The following HFE variants were observed in gnomAD, a reference collection of about 807,000 sequenced individuals.
The protein encoded by HFE is hereditary hemochromatosis protein.
In HFE, 36 loss-of-function variants were observed where a neutral mutation model predicts 40.9. The ratio of observed to expected loss-of-function variants is 0.88; its 90% confidence interval spans 0.67 to 1.16. HFE has a LOEUF of 1.16. Ranked by LOEUF, HFE falls within the 50% of genes most tolerant of loss-of-function variation. HFE has a pLI of 0.00. For synonymous variants in HFE, 157 were observed against 165.4 expected, an observed-to-expected ratio of 0.95 and a Z score of 0.39; for missense variants, 376 against 432.0, an observed-to-expected ratio of 0.87 and a Z score of 1.15.
chr6:26,091,169 G>A (rs1762675960), intron 2 of HFE, 65 bp downstream of exon 2: 2 of 1,609,148 alleles, frequency 1.2e-6, no homozygotes, highest in Admixed American at 1.7e-5. Context: ...CATGCATCTT[G>A]AAGGAAACAG....
In HFE at chr6:26,096,386, G is replaced by C. The variant is rs1359852663; in HGVS notation, c.*2160G>C. The C allele has an allele frequency of 2.2e-6, 1 of 451,110 alleles. No individual in the cohort carries two copies. Among genetic ancestry groups the C allele is most frequent in the Admixed American group, 2.4e-5 (1 of 41,786 alleles). 27.9% of individuals were successfully genotyped at this position (451,110 alleles called of 1,614,324 possible). On this transcript the variant is annotated 3_prime_UTR_variant, in exon 6 of 6. Transcript: ENST00000357618. ...CCTGACCTCGTGATCCGCCTGCCTC[G>C]GCCTCCCAAAGTGCTGAGATTACAG...
Position 26,094,743 on chromosome 6 carries a change from A to G in HFE, c.*517A>G, listed in dbSNP as rs886061283. On this transcript the variant is annotated 3_prime_UTR_variant, in exon 6 of 6. Coordinates refer to ENST00000357618, the MANE Select transcript of HFE (RefSeq NM_000410.4). ...TTACCCAGTAACTCATCTGTCACCA[A>G]GCCTTGGGGATTCTTCCATCTGATT... 4.7e-6 allele frequency: 2 copies of G among 427,670 alleles called. No individual in the cohort carries two copies. The highest frequency in any genetic ancestry group is 2.3e-5 in the South Asian group (1 of 42,914). The allele number at this position is 427,670 out of a possible 1,614,324, so 26.5% of individuals were successfully genotyped here.
At position 26,090,821 on chromosome 6, in the gene HFE, G is replaced by T; in HGVS notation, c.77-20G>T. ...TCCCCTCCTACTACACATGGTTAAG[G>T]CCTGTTGCTCTGTCTCCAGGTTCAC... On this transcript the variant is annotated intron_variant, in intron 1 of 5. Transcript: ENST00000357618. The T allele has an allele frequency of 6.2e-7, 1 of 1,612,806 alleles. No homozygotes were observed. The highest frequency in any genetic ancestry group is 1.3e-5 in the African/African-American group (1 of 74,998).
At chr6:26,090,652 G>A (rs564325643) in intron 1 of HFE, among the ~76,000 whole-genome samples, 189 bp from the exon 2 acceptor site, 43 of 152,082 alleles carry the variant, frequency 2.8e-4, no homozygotes, top group Non-Finnish European at 4.3e-4. Flanking sequence ...AGCCACGTGT[G>A]GCAGAGAAAA....
Position 26,093,166 on chromosome 6 carries a change from G to A in HFE, c.940G>A (p.Ala314Thr). The change falls in exon 5 of 6, where the codon GCT becomes ACT. Residue 314 changes from alanine (A) to threonine (T), a missense_variant. By Grantham distance (58) the Ala-to-Thr change is moderately conservative. This residue lies in a region of HFE where 173 missense variants were observed against 186.9 expected (regional missense o/e 0.93). Coordinates refer to ENST00000357618, the MANE Select transcript of HFE (RefSeq NM_000410.4). ...AGTCATTGGAGTCATCAGTGGAATT[G>A]CTGTTTTTGTCGTCATCTTGTTCAT... ...TLVIGVISGI[A>T]VFVVILFIGI... The A allele has an allele frequency of 6.2e-7, 1 of 1,614,102 alleles. No individual in the cohort carries two copies. Among genetic ancestry groups the A allele is most frequent in the Middle Eastern group, 1.6e-4 (1 of 6,062 alleles).
intron 1 of HFE, 48 bp downstream of exon 1, chr6:26,087,564 A>G (rs1409173878): frequency 1.3e-6 from 2 of 1,518,418 alleles, no homozygotes; most frequent in African/African-American, 2.7e-5. Context: ...GGGGGTGGAA[A>G]AATCGAAACT....
Position 26,092,733 on chromosome 6 carries a change from C to A in HFE, c.665C>A (p.Thr222Asn), listed in dbSNP as rs1479851385. ...VTHHVTSSVT[T>N]LRCRALNYYP... ...CATCATGTGACCTCTTCAGTGACCA[C>A]TCTACGGTGTCGGGCCTTGAACTAC... The change falls in exon 4 of 6, where the codon ACT becomes AAT. Residue 222 changes from threonine to asparagine, a missense_variant. Around this residue, in one of 3 missense-constraint regions of HFE, gnomAD observed 173 missense variants for 186.9 expected, o/e 0.93. Transcript: ENST00000357618. 6.2e-7 allele frequency: 1 copy of A among 1,614,128 alleles called. No individual in the cohort carries two copies. The highest frequency in any genetic ancestry group is 8.5e-7 in the Non-Finnish European group (1 of 1,180,044).
chr6:26,096,865 G>A lies in HFE; in HGVS notation c.*2639G>A. On this transcript the variant is annotated 3_prime_UTR_variant, in exon 6 of 6. Transcript: ENST00000357618. ...TTTTATTGAAGTTCTTGTTCATCTT[G>A]TGTATATACTTAATCGCTTTGTCAT... is the stretch of plus-strand genomic sequence containing the variant. 2.2e-5 allele frequency: 6 copies of A among 267,746 alleles called. No individual in the cohort carries two copies. Among genetic ancestry groups the A allele is most frequent in the South Asian group, 2.1e-4 (6 of 29,096 alleles). 16.6% of individuals were successfully genotyped at this position (267,746 alleles called of 1,614,324 possible).
In HFE at chr6:26,096,439, AAG is replaced by A; in HGVS notation, c.*2216_*2217del. 1 of 455,866 alleles carries A rather than the reference AAG, an allele frequency of 2.2e-6. No homozygotes were observed. Among genetic ancestry groups the A allele is most frequent in the Non-Finnish European group, 4.4e-6 (1 of 226,750 alleles). The allele number at this position is 455,866 out of a possible 1,614,324, so 28.2% of individuals were successfully genotyped here. ...GTGAGCCACCCTGCCCAGCCGTCAA[AAG>A]AGTCTTAATATATATATCCAGATGG... On this transcript the variant is annotated 3_prime_UTR_variant, in exon 6 of 6. Transcript: ENST00000357618.
intron 5 of HFE, among the ~76,000 whole-genome samples, chr6:26,093,494 G>A (rs1762874835): frequency 6.6e-6 from 1 of 152,038 alleles, no homozygotes; most frequent in Non-Finnish European, 1.5e-5. Flanking sequence ...AAGTCACTGT[G>A]GCTATTCTCA....
At chr6:26,087,596 A>G in intron 1 of HFE, 80 bp downstream of exon 1, 1 of 1,315,280 alleles carries the variant, frequency 7.6e-7, no homozygotes, top group African/African-American at 1.5e-5. Context: ...TGCGCTTGGG[A>G]GTTTGCTAAC....
At chr6:26,090,775 T>G in intron 1 of HFE, 66 bp from the exon 2 acceptor site, 1 of 1,506,396 alleles carries the variant, frequency 6.6e-7, no homozygotes. Flanking sequence ...GATGCAGGTG[T>G]GTGGAGCCTC....
At chr6:26,090,630 T>C (rs547118455) in intron 1 of HFE, among the ~76,000 whole-genome samples, 1 of 151,446 alleles carries the variant, frequency 6.6e-6, no homozygotes, top group Admixed American at 6.6e-5. Context: ...CTGGGGGCAG[T>C]GAGGGGGTGG....
At chr6:26,091,983 C>A (rs984099816) in intron 3 of HFE, among the ~76,000 whole-genome samples, 1 of 151,870 alleles carries the variant, frequency 6.6e-6, no homozygotes, top group African/African-American at 2.4e-5. Context: ...TGAGACCAGC[C>A]TGACCAACAT....
At chr6:26,091,148 T>C (rs374627809) in intron 2 of HFE, 44 bp downstream of exon 2, 2 of 1,611,434 alleles carry the variant, frequency 1.2e-6, no homozygotes, top group Non-Finnish European at 1.7e-6. Flanking sequence ...TGTCAGAGCT[T>C]TTCATCTTTT....
chr6:26,092,360 C>A (rs1396235192), intron 3 of HFE, among the ~76,000 whole-genome samples: 3 of 152,172 alleles, frequency 2.0e-5, no homozygotes, highest in Non-Finnish European at 4.4e-5. Flanking sequence ...ATAACAATGC[C>A]TCCTAGGTTG....
chr6:26,090,748 A>G, intron 1 of HFE, 93 bp from the exon 2 acceptor site: 1 of 1,313,212 alleles, frequency 7.6e-7, no homozygotes, highest in Non-Finnish European at 1.1e-6. Flanking sequence ...GACCAGACAC[A>G]GCTGATGGTA....
In HFE at chr6:26,096,032, C is replaced by G. The variant is rs1300420863; in HGVS notation, c.*1806C>G. ...AAGCCACCAAGTGGCTTAGAGGATG[C>G]CCAGGTCCTTCCATGGAGCCACTGG... On this transcript the variant is annotated 3_prime_UTR_variant, in exon 6 of 6. Transcript: ENST00000357618. 2 of 155,712 alleles carry G rather than the reference C, an allele frequency of 1.3e-5. No individual in the cohort carries two copies. The highest frequency in any genetic ancestry group is 2.8e-5 in the Non-Finnish European group (2 of 70,614). 9.6% of individuals were successfully genotyped at this position (155,712 alleles called of 1,614,324 possible). A position where few individuals can be genotyped will look rare whatever the true frequency, so the allele number is the denominator to read the frequency against.
chr6:26,093,030 A>C, intron 4 of HFE, 70 bp downstream of exon 4: 1 of 1,614,038 alleles, frequency 6.2e-7, no homozygotes, highest in South Asian at 1.1e-5. Context: ...TGAGGAGGTA[A>C]TTATGGCAGT....
Sources: gnomAD v4.1 joint callset for allele counts (sites outside exome capture counted in the v4.1 genomes callset) on GRCh38, gnomAD v4.1.1 for gene constraint, gnomAD v4.1.1 regional missense constraint, MANE v1.5 for transcripts, NCBI Gene and HGNC (gene_info 2026-07-23, HGNC 2026-07-21) for gene names.